AKAP12: variants seen among roughly 807,000 people sequenced by gnomAD.
AKAP12 encodes A-kinase anchor protein 12.
A neutral mutation model predicts 79.9 loss-of-function variants in AKAP12; 32 were observed. That is an observed-to-expected ratio of 0.40 (90% CI 0.30 to 0.54). The LOEUF (loss-of-function observed/expected upper bound fraction) is 0.54, where lower values mean the gene tolerates loss of function less well. Ranked by LOEUF, AKAP12 falls within the 20% of genes least tolerant of loss-of-function variation. AKAP12 has a pLI of 0.48. For missense variants in AKAP12, 2,074 were observed against 2,177.0 expected, an observed-to-expected ratio of 0.95 and a Z score of 0.94; for synonymous variants, 808 against 857.0, an observed-to-expected ratio of 0.94 and a Z score of 1.00.
rs139632128 is a variant in AKAP12 at position 151,316,937 on chromosome 6, C to T, written c.319+11034C>T. ...ACAGGCGTGAGCCACCACACCCGGC[C>T]AGGACTCCTGTTCTTATTAGGGCCC... On this transcript the variant is annotated intron_variant, in intron 3 of 4. Transcript: ENST00000402676. Among the ~76,000 whole-genome samples the T allele has an allele frequency of 4.8e-3, 738 of 152,330 alleles. 4 individuals are homozygous for T. Among genetic ancestry groups the T allele is most frequent in the Non-Finnish European group, 8.6e-3 (585 of 68,034 alleles).
chr6:151,310,905 C>T (rs1003600441), intron 3 of AKAP12, among the ~76,000 whole-genome samples: 1 of 152,184 alleles, frequency 6.6e-6, no homozygotes, highest in East Asian at 1.9e-4. Context: ...CAGCTTTTCT[C>T]CAACCTTCAC....
At chr6:151,305,542 ACACT>A (rs1461802154) in intron 2 of AKAP12, among the ~76,000 whole-genome samples, 3 of 152,154 alleles carry the variant, frequency 2.0e-5, no homozygotes, top group Admixed American at 6.5e-5. Context: ...GCTGATGGGC[ACACT>A]TACCCAGATA....
intron 2 of AKAP12, among the ~76,000 whole-genome samples, chr6:151,244,859 T>TA (rs1797040045): frequency 6.6e-6 from 1 of 152,226 alleles, no homozygotes; most frequent in African/African-American, 2.4e-5. Flanking sequence ...TGGGTACCGA[T>TA]AGACTGCAGG....
chr6:151,325,560 C>T, intron 3 of AKAP12: 2 of 1,280,296 alleles, frequency 1.6e-6, no homozygotes, highest in Non-Finnish European at 2.0e-6. Context: ...GTTTGCGCTC[C>T]CGAAGTCCTG....
rs148769062 is a variant in AKAP12 at position 151,350,388 on chromosome 6, C to T, written c.1997C>T (p.Pro666Leu). Residue 666 changes from proline (P) to leucine (L), a missense_variant, in exon 4 of 5, where the codon CCG (proline) becomes CTG (leucine). Coordinates refer to ENST00000402676, the MANE Select transcript of AKAP12 (RefSeq NM_005100.4). This position sits in a 1 kb window ranked among gnomAD's most constrained non-coding sequence, Gnocchi z 4.8. ...AAAGGGAGCGTGGAAGAGCCAAAGC[C>T]GGAAGAACCAAAGCGCAAGGTGGAT... ...EMKGSVEEPK[P>L]EEPKRKVDTS... The T allele has an allele frequency of 2.9e-5, 46 of 1,613,362 alleles. No homozygotes were observed. Among genetic ancestry groups the T allele is most frequent in the Non-Finnish European group, 3.8e-5 (45 of 1,179,986 alleles).
In AKAP12 at chr6:151,280,155, A is replaced by G. The variant is rs553378424; in HGVS notation, c.163-25592A>G. Among the ~76,000 whole-genome samples the G allele has an allele frequency of 9.8e-4, 149 of 152,110 alleles. 1 individual carries two copies. The South Asian group carries it at 0.015, about 15-fold the overall frequency. On this transcript the variant is annotated intron_variant, in intron 2 of 4. Transcript: ENST00000402676. ...ATACACAGATCTGGCTCACTGCTTA[A>G]TGGCTATATGTTCAGTGACATGGAT...
chr6:151,308,721 A>T (rs538909455), intron 3 of AKAP12, among the ~76,000 whole-genome samples: 2 of 152,206 alleles, frequency 1.3e-5, no homozygotes, highest in East Asian at 3.9e-4. Context: ...GCAACTTGGC[A>T]TACTCCTTCT....
chr6:151,289,641 A>C (rs932297224), intron 2 of AKAP12, among the ~76,000 whole-genome samples: 1 of 152,172 alleles, frequency 6.6e-6, no homozygotes, highest in African/African-American at 2.4e-5. Context: ...TTATTGAGTA[A>C]TTTTGTTAAA....
At chr6:151,269,742 C>T (rs770003248) in intron 2 of AKAP12, among the ~76,000 whole-genome samples, 15 of 152,294 alleles carry the variant, frequency 9.8e-5, no homozygotes, top group African/African-American at 1.4e-4. Flanking sequence ...TAATAATTCA[C>T]GTACTGTACA....
intron 2 of AKAP12, among the ~76,000 whole-genome samples, chr6:151,242,090 ATACT>A (rs1796988052): frequency 6.6e-6 from 1 of 152,210 alleles, no homozygotes; most frequent in South Asian, 2.1e-4. Flanking sequence ...TCGCATTTTA[ATACT>A]TACTGTATGC....
rs777897705 is a variant in AKAP12 at position 151,349,951 on chromosome 6, T to C, written c.1560T>C (p.Phe520=). ...AGGGAAGTCCACTAAAGAAGCTTTT[T>C]ACCAGCACTGGCTTAAAAAAGCTTT... ...KVQGSPLKKL[F]TSTGLKKLSG... The change falls in exon 4 of 5, where the codon TTT becomes TTC. Residue 520 remains phenylalanine, a synonymous_variant. Transcript: ENST00000402676. 2.5e-6 allele frequency: 4 copies of C among 1,614,016 alleles called. No homozygotes were observed. The highest frequency in any genetic ancestry group is 3.4e-6 in the Non-Finnish European group (4 of 1,180,026).
chr6:151,267,817 TAC>T (rs1299622010), intron 2 of AKAP12, among the ~76,000 whole-genome samples: 19 of 152,332 alleles, frequency 1.2e-4, no homozygotes, highest in African/African-American at 4.1e-4. Flanking sequence ...GGCAGGAAGT[TAC>T]AGTGTGAAAG....
intron 3 of AKAP12, among the ~76,000 whole-genome samples, chr6:151,310,023 A>G (rs1777057958): frequency 6.6e-6 from 1 of 151,920 alleles, no homozygotes; most frequent in African/African-American, 2.4e-5. Flanking sequence ...CCAAATTATC[A>G]ATCGTTTTAT....
intron 2 of AKAP12, among the ~76,000 whole-genome samples, chr6:151,254,507 A>G (rs565319183): frequency 8.5e-5 from 13 of 152,210 alleles, no homozygotes; most frequent in African/African-American, 3.1e-4. Context: ...ATGCGCCACC[A>G]CACTCGGCTA....
At chr6:151,341,320 C>G (rs1241687997) in intron 3 of AKAP12, among the ~76,000 whole-genome samples, 1 of 152,182 alleles carries the variant, frequency 6.6e-6, no homozygotes, top group Non-Finnish European at 1.5e-5. Context: ...TCCCAAAGTG[C>G]TGGGATTACA....
chr6:151,319,533 T>TAG (rs1350267915), intron 3 of AKAP12: 3 of 88,292 alleles, frequency 3.4e-5, no homozygotes, highest in African/African-American at 1.8e-4. Context: ...TATAGATATA[T>TAG]ATATATAGAT....
In AKAP12 at chr6:151,349,656, G is replaced by A; in HGVS notation, c.1265G>A (p.Ser422Asn). ...GAGGTTGTGGCCGAAGTCCACGTCA[G>A]CACCGTGGAGGAGAGAACCGAAGAG... ...QEEVVAEVHV[S>N]TVEERTEEQK... Residue 422 changes from serine to asparagine, a missense_variant, in exon 4 of 5, where the codon AGC (serine) becomes AAC (asparagine). This residue lies in a region of AKAP12 where 1,428 missense variants were observed against 1,451.0 expected (regional missense o/e 0.98). Transcript: ENST00000402676. The A allele has an allele frequency of 6.2e-7, 1 of 1,614,060 alleles. No homozygotes were observed. The highest frequency in any genetic ancestry group is 1.1e-5 in the South Asian group (1 of 91,060).
In AKAP12 at chr6:151,353,766, T is replaced by A. The variant is rs112921838; in HGVS notation, c.*12+14T>A. 6.7e-7 allele frequency: 1 copy of A among 1,490,876 alleles called. No homozygotes were observed. 92.4% of individuals were successfully genotyped at this position (1,490,876 alleles called of 1,614,324 possible). On this transcript the variant is annotated intron_variant, in intron 4 of 4. Coordinates refer to ENST00000402676, the MANE Select transcript of AKAP12 (RefSeq NM_005100.4). ...AACATCATGCAGGTAAGCTTCCTTG[T>A]CTTCTAAGATAATTTTTCTCTTTTA...
In AKAP12 at chr6:151,357,928, G is replaced by A. The variant is rs1055511789; in HGVS notation, c.*2214G>A. 3.9e-5 allele frequency: 6 copies of A among 151,988 alleles called. No homozygotes were observed. The highest frequency in any genetic ancestry group is 2.6e-4 in the Admixed American group (4 of 15,256). 9.4% of individuals were successfully genotyped at this position (151,988 alleles called of 1,614,324 possible). A position where few individuals can be genotyped will look rare whatever the true frequency, so the allele number is the denominator to read the frequency against. On this transcript the variant is annotated 3_prime_UTR_variant, in exon 5 of 5. Coordinates refer to ENST00000402676, the MANE Select transcript of AKAP12 (RefSeq NM_005100.4). ...ACGTTTTTGTTTAAATTCCACCCGC[G>A]TTTGTCTTTTCCTACCACCTGTGGC...
Sources: allele counts gnomAD v4.1 joint callset (sites outside exome capture counted in the v4.1 genomes callset), GRCh38; gene constraint gnomAD v4.1.1; regional missense constraint gnomAD v4.1.1; non-coding constraint Gnocchi (gnomAD v3.1); transcripts MANE v1.5; gene names NCBI Gene and HGNC (gene_info 2026-07-23, HGNC 2026-07-21).